Variants in PTPRK observed in about 807,000 individuals in gnomAD.
The protein encoded by PTPRK is protein tyrosine phosphatase receptor type K, also known as receptor-type tyrosine-protein phosphatase kappa.
Under a neutral mutation model 178.0 loss-of-function variants are expected in PTPRK, and 75 were observed. The observed-to-expected ratio is 0.42, with a 90% confidence interval of 0.35 to 0.51. PTPRK has a LOEUF of 0.51. Ranked by LOEUF, PTPRK falls within the 20% of genes least tolerant of loss-of-function variation. PTPRK has a pLI of 0.02. For synonymous variants in PTPRK, 637 were observed against 620.6 expected, an observed-to-expected ratio of 1.03 and a Z score of -0.39; for missense variants, 1,441 against 1,797.8, an observed-to-expected ratio of 0.80 and a Z score of 3.59.
chr6:128,127,764 T>C (rs942661618), intron 7 of PTPRK, among the ~76,000 whole-genome samples: 1 of 152,232 alleles, frequency 6.6e-6, no homozygotes, highest in Admixed American at 6.5e-5. Flanking sequence ...TTCAAAATAT[T>C]ATCTTTCAAT....
At chr6:128,326,657 G>A (rs1042517863) in intron 2 of PTPRK, among the ~76,000 whole-genome samples, 3 of 152,234 alleles carry the variant, frequency 2.0e-5, no homozygotes, top group Middle Eastern at 6.8e-3. Flanking sequence ...CTGTGTAAAT[G>A]TGTGTATATT....
rs1354966597 is a variant in PTPRK, at chr6:128,519,003, T to A, written c.100+1256A>T. Reference sequence around the variant, plus strand: ...ACGTGAGAAACTGTCAGGTACAAAGTAAGTTATTTGCGTCCTGCGGCTTCA... The same window carrying A: ...ACGTGAGAAACTGTCAGGTACAAAGAAAGTTATTTGCGTCCTGCGGCTTCA... On this transcript the variant is annotated intron_variant, in intron 1 of 29. Transcript: ENST00000368226. This position sits in a 1 kb window ranked among gnomAD's most constrained non-coding sequence, Gnocchi z 4.3. The A allele has an allele frequency of 1.9e-6, 1 of 516,564 alleles. No homozygotes were observed. Among genetic ancestry groups the A allele is most frequent in the Admixed American group, 2.0e-5 (1 of 49,198 alleles). 32.0% of individuals were successfully genotyped at this position (516,564 alleles called of 1,614,324 possible).
At chr6:127,973,575 T>A (rs1774185504) in intron 28 of PTPRK, 89 bp downstream of exon 28, 2 of 1,474,988 alleles carry the variant, frequency 1.4e-6, no homozygotes, top group African/African-American at 1.4e-5. Context: ...GGGAGGTCCA[T>A]AAGATGCAAG....
At chr6:128,311,830 T>C (rs1314466128) in intron 3 of PTPRK, among the ~76,000 whole-genome samples, 3 of 152,132 alleles carry the variant, frequency 2.0e-5, no homozygotes, top group East Asian at 1.9e-4. Flanking sequence ...CCTTTATTAG[T>C]ACTATTTTCT....
intron 1 of PTPRK, among the ~76,000 whole-genome samples, chr6:128,486,557 A>T (rs1455747181): frequency 2.0e-5 from 3 of 152,148 alleles, no homozygotes; most frequent in Non-Finnish European, 4.4e-5. Flanking sequence ...TAATCCCAGG[A>T]CTTTGGGAGG....
intron 1 of PTPRK, among the ~76,000 whole-genome samples, chr6:128,431,417 C>T (rs1199941932): frequency 6.6e-6 from 1 of 151,976 alleles, no homozygotes; most frequent in East Asian, 1.9e-4. Context: ...CTGAAAATGT[C>T]TTTTTTAATA....
At chr6:128,040,645 T>C (rs1382481752) in intron 13 of PTPRK, among the ~76,000 whole-genome samples, 1 of 152,106 alleles carries the variant, frequency 6.6e-6, no homozygotes, top group Admixed American at 6.6e-5. Flanking sequence ...AGATAATCTG[T>C]ATTTGTACGT....
chr6:128,298,177 A>G (rs1422065501), intron 3 of PTPRK, among the ~76,000 whole-genome samples: 3 of 152,234 alleles, frequency 2.0e-5, no homozygotes, highest in Non-Finnish European at 4.4e-5. Flanking sequence ...AGACTAAAAC[A>G]GGAAGAAGTT....
At chr6:128,431,629 T>G (rs940782075) in intron 1 of PTPRK, among the ~76,000 whole-genome samples, 1 of 152,232 alleles carries the variant, frequency 6.6e-6, no homozygotes, top group Non-Finnish European at 1.5e-5. Context: ...GACATGGTCA[T>G]GTTAAACTAT....
At chr6:127,983,556 T>A (rs546215505) in intron 22 of PTPRK, among the ~76,000 whole-genome samples, 179 bp from the exon 23 acceptor site, 2 of 152,338 alleles carry the variant, frequency 1.3e-5, no homozygotes, top group East Asian at 3.9e-4. Flanking sequence ...ATGCAGAGTA[T>A]CTGCTTTGGT....
chr6:128,106,995 T>C (rs1420394469), intron 7 of PTPRK, among the ~76,000 whole-genome samples: 2 of 152,106 alleles, frequency 1.3e-5, no homozygotes, highest in Admixed American at 6.5e-5. Context: ...TCTTCAAAAC[T>C]GGGTTTAAAG....
At position 127,982,844 on chromosome 6, in the gene PTPRK, T is replaced by A. The variant is rs144386522; in HGVS notation, c.3524A>T (p.Lys1175Met). ...AATAGTTAATACCTGAAATTCATCC[T>A]TGAGATGTGAAGAGTTAGTCTGGGA... ...IDSQTNSSHL[K>M]DEFQTLNSVT... Residue 1175 changes from lysine (K) to methionine (M), a missense_variant, in exon 24 of 30, where the codon AAG becomes ATG. Transcript: ENST00000368226. 2.0e-4 allele frequency: 327 copies of A among 1,609,002 alleles called. 3 individuals carry two copies. The South Asian group carries it at 2.5e-3, about 12-fold the overall frequency.
intron 3 of PTPRK, among the ~76,000 whole-genome samples, chr6:128,313,890 G>A (rs1370338627): frequency 6.6e-6 from 1 of 152,144 alleles, no homozygotes; most frequent in Non-Finnish European, 1.5e-5. Context: ...CTAAGAATGA[G>A]TAAATAGGGT....
chr6:128,327,896 G>C (rs1457934337), intron 2 of PTPRK, among the ~76,000 whole-genome samples: 1 of 152,192 alleles, frequency 6.6e-6, no homozygotes, highest in East Asian at 1.9e-4. Context: ...GCAGCTCACG[G>C]GAAGATAAAG....
At chr6:128,095,394 C>T (rs1787745459) in intron 7 of PTPRK, among the ~76,000 whole-genome samples, 1 of 152,136 alleles carries the variant, frequency 6.6e-6, no homozygotes, top group African/African-American at 2.4e-5. Flanking sequence ...TGTACTCAAG[C>T]TTGTCCAACC....
At chr6:128,327,901 A>G (rs1377098814) in intron 2 of PTPRK, among the ~76,000 whole-genome samples, 1 of 152,212 alleles carries the variant, frequency 6.6e-6, no homozygotes, top group East Asian at 1.9e-4. Context: ...TCACGGGAAG[A>G]TAAAGTCTGC....
intron 3 of PTPRK, among the ~76,000 whole-genome samples, chr6:128,286,060 C>T (rs1329266549): frequency 6.6e-6 from 1 of 152,066 alleles, no homozygotes; most frequent in East Asian, 1.9e-4. Context: ...TGTAACCAAA[C>T]CCAGGGTAAA....
In PTPRK at chr6:128,005,200, T is replaced by C; in HGVS notation, c.2378A>G (p.Gln793Arg). ...KRKDAMGNTR[Q>R]EMTHMVNAMD... ...TGCATTCACCATGTGAGTCATCTCC[T>C]GCCGGGTATTCCCCATGGCATCTTT... The change falls in exon 15 of 30, where the codon CAG becomes CGG. Residue 793 changes from glutamine to arginine, a missense_variant. Gln to Arg is a conservative substitution (Grantham distance 43). Coordinates refer to ENST00000368226, the MANE Select transcript of PTPRK (RefSeq NM_002844.4). 1 of 1,611,572 alleles carries C rather than the reference T, an allele frequency of 6.2e-7. No individual in the cohort carries two copies.
rs749387618 is a variant in PTPRK, at chr6:128,415,881, G to A, written c.101-18193C>T. Among the ~76,000 whole-genome samples, 9 of 151,950 alleles carry A rather than the reference G, an allele frequency of 5.9e-5. No individual in the cohort carries two copies. The South Asian group carries it at 8.3e-4, about 14-fold the overall frequency. ...AAAAAAATTCCATTCCTATATATAC[G>A]ATAAAAATGGTGGTTGTGCTAAATT... is the stretch of plus-strand genomic sequence containing the variant. On this transcript the variant is annotated intron_variant, in intron 1 of 29. Transcript: ENST00000368226.
Sources: gnomAD v4.1 joint callset for allele counts (sites outside exome capture counted in the v4.1 genomes callset) on GRCh38, gnomAD v4.1.1 for gene constraint, Gnocchi (gnomAD v3.1) non-coding constraint, MANE v1.5 for transcripts, NCBI Gene and HGNC (gene_info 2026-07-23, HGNC 2026-07-21) for gene names.